PPP2R5E: variants seen among roughly 807,000 people sequenced by gnomAD.
PPP2R5E encodes the protein serine/threonine-protein phosphatase 2A 56 kDa regulatory subunit epsilon isoform.
PPP2R5E carries 4 observed loss-of-function variants against 65.3 expected under a neutral mutation model. The observed-to-expected ratio is 0.06, with a 90% CI of 0.03 to 0.14. The LOEUF is 0.14. Among genes scored for constraint, PPP2R5E ranks in the 10% least tolerant of loss-of-function variants. The pLI is 1.00. For synonymous variants in PPP2R5E, 183 were observed against 187.4 expected (o/e 0.98, Z 0.19); for missense variants, 274 against 556.1 (o/e 0.49, Z 5.10).
intron 2 of PPP2R5E, among the ~76,000 whole-genome samples, chr14:63,531,390 G>T (rs1308101949): frequency 4.0e-5 from 6 of 151,190 alleles, no homozygotes. Context: ...GCGGTGTTTG[G>T]TTTTTTGTCC....
intron 5 of PPP2R5E, among the ~76,000 whole-genome samples, chr14:63,413,425 G>C (rs770907596): frequency 1.3e-5 from 2 of 152,188 alleles, no homozygotes; most frequent in Non-Finnish European, 2.9e-5. Context: ...GTCACTCCAA[G>C]TTACAGTGAG....
At chr14:63,448,210 T>A (rs1594886261) in intron 3 of PPP2R5E, among the ~76,000 whole-genome samples, 1 of 152,026 alleles carries the variant, frequency 6.6e-6, no homozygotes, top group Non-Finnish European at 1.5e-5. Flanking sequence ...GGCAGGAGAC[T>A]GGTGTGAACC....
At chr14:63,382,267 C>T (rs1038140969) in intron 12 of PPP2R5E, 110 bp from the exon 13 acceptor site, 1 of 648,818 alleles carries the variant, frequency 1.5e-6, no homozygotes. Context: ...GTACTGCACA[C>T]TGTCTGTATC....
chr14:63,470,966 CATTT>C (rs1890099433), intron 2 of PPP2R5E, among the ~76,000 whole-genome samples: 1 of 152,146 alleles, frequency 6.6e-6, no homozygotes, highest in Non-Finnish European at 1.5e-5. Context: ...GCTTCTGAGC[CATTT>C]TTTACCCCAC....
chr14:63,451,471 T>G (rs1888818629), intron 3 of PPP2R5E: 1 of 152,214 alleles, frequency 6.6e-6, no homozygotes, highest in South Asian at 2.1e-4. Flanking sequence ...AAAGAGTACA[T>G]GCTGTATGAT....
chr14:63,387,719 T>G (rs1884755462), intron 11 of PPP2R5E, among the ~76,000 whole-genome samples: 1 of 151,818 alleles, frequency 6.6e-6, no homozygotes, highest in African/African-American at 2.4e-5. Context: ...AATTCATATG[T>G]TGAAGTCCTA....
At chr14:63,525,196 C>T (rs1227755423) in intron 2 of PPP2R5E, among the ~76,000 whole-genome samples, 1 of 152,192 alleles carries the variant, frequency 6.6e-6, no homozygotes, top group Non-Finnish European at 1.5e-5. Context: ...GATTGCTAAC[C>T]TATTTCTTTA....
chr14:63,484,080 C>CA (rs35786223), intron 2 of PPP2R5E, among the ~76,000 whole-genome samples: 154 of 134,114 alleles, frequency 1.1e-3, no homozygotes, highest in East Asian at 1.3e-3. Context: ...GAGACTCCAC[C>CA]AAAAAAAAAA....
chr14:63,404,629 G>A (rs922867033), intron 5 of PPP2R5E, among the ~76,000 whole-genome samples: 2 of 152,130 alleles, frequency 1.3e-5, no homozygotes, highest in Non-Finnish European at 2.9e-5. Flanking sequence ...CAAGCTTCTG[G>A]CAATTCTGAC....
At chr14:63,493,591 G>A (rs749089909) in intron 2 of PPP2R5E, among the ~76,000 whole-genome samples, 1 of 152,074 alleles carries the variant, frequency 6.6e-6, no homozygotes, top group Non-Finnish European at 1.5e-5. Context: ...TGTGACAGCA[G>A]CTAAATAAAG....
chr14:63,539,020 C>CT (rs1480441746), intron 2 of PPP2R5E, among the ~76,000 whole-genome samples: 1 of 152,072 alleles, frequency 6.6e-6, no homozygotes, highest in Non-Finnish European at 1.5e-5. Flanking sequence ...AAAGGTATAT[C>CT]TTTTCTACTT....
At chr14:63,460,051 A>C (rs1037353472) in intron 2 of PPP2R5E, among the ~76,000 whole-genome samples, 13 of 152,246 alleles carry the variant, frequency 8.5e-5, no homozygotes, top group African/African-American at 3.1e-4. Flanking sequence ...AACGTGTCAT[A>C]GAATGACTAG....
At chr14:63,447,361 T>C (rs1888538387) in intron 3 of PPP2R5E, among the ~76,000 whole-genome samples, 1 of 152,248 alleles carries the variant, frequency 6.6e-6, no homozygotes, top group African/African-American at 2.4e-5. Context: ...CAGCATTTAG[T>C]GCTTCACCTT....
intron 5 of PPP2R5E, among the ~76,000 whole-genome samples, chr14:63,405,219 C>G (rs1885994379): frequency 6.6e-6 from 1 of 152,198 alleles, no homozygotes; most frequent in Non-Finnish European, 1.5e-5. Flanking sequence ...GAAATAAATG[C>G]TCCCAACACT....
chr14:63,491,546 T>C (rs1423149900), intron 2 of PPP2R5E, among the ~76,000 whole-genome samples: 2 of 152,254 alleles, frequency 1.3e-5, no homozygotes, highest in East Asian at 1.9e-4. Flanking sequence ...AAAGAAAGTA[T>C]ATTATTAAAA....
intron 2 of PPP2R5E, among the ~76,000 whole-genome samples, chr14:63,531,300 A>T (rs1594978439): frequency 7.3e-6 from 1 of 136,436 alleles, no homozygotes; most frequent in Admixed American, 7.7e-5. Flanking sequence ...CCGACCCCAC[A>T]ACAGTCCCTG....
chr14:63,396,808 C>CAAAAAAAAAA, intron 5 of PPP2R5E, 92 bp from the exon 6 acceptor site: 1 of 1,480,524 alleles, frequency 6.8e-7, no homozygotes. Flanking sequence ...CTTCCTTCCT[C>CAAAAAAAAAA]AAAAAATGTG....
intron 2 of PPP2R5E, among the ~76,000 whole-genome samples, chr14:63,526,616 T>A (rs1893195333): frequency 6.6e-6 from 1 of 152,134 alleles, no homozygotes; most frequent in Non-Finnish European, 1.5e-5. Context: ...TGCAGCAGCA[T>A]GATCTTGGCT....
chr14:63,419,488 G>T (rs1178520377), intron 4 of PPP2R5E, among the ~76,000 whole-genome samples: 1 of 152,100 alleles, frequency 6.6e-6, no homozygotes, highest in African/African-American at 2.4e-5. Flanking sequence ...AAGAAAAAGA[G>T]ACTTCTTATA....
Sources: gnomAD v4.1 joint callset for allele counts (sites outside exome capture counted in the v4.1 genomes callset) on GRCh38, gnomAD v4.1.1 for gene constraint, MANE v1.5 for transcripts, NCBI Gene and HGNC (gene_info 2026-07-23, HGNC 2026-07-21) for gene names.